Variants in SHANK2 observed in about 807,000 individuals in gnomAD.
The protein encoded by SHANK2 is SH3 and multiple ankyrin repeat domains 2.
In SHANK2, 43 loss-of-function variants were observed where a neutral mutation model predicts 133.7. The ratio of observed to expected loss-of-function variants is 0.32; its 90% CI spans 0.25 to 0.41. The LOEUF is 0.41. SHANK2 is among the 10% of genes least tolerant of loss of function. The pLI is 1.00. For missense variants in SHANK2, 1,994 were observed against 2,235.8 expected, an observed-to-expected ratio of 0.89 and a Z score of 2.18; for synonymous variants, 1,017 against 952.8, an observed-to-expected ratio of 1.07 and a Z score of -1.24.
At chr11:70,895,495 G>T (rs1264491729) in intron 11 of SHANK2, 1 of 152,628 alleles carries the variant, frequency 6.6e-6, no homozygotes, top group African/African-American at 2.4e-5. Flanking sequence ...GCAAGACTGG[G>T]CCCAGCCGAT....
In SHANK2 at chr11:70,696,319, G is replaced by T. The variant is rs1302061151; in HGVS notation, c.1853+2369C>A. Among the ~76,000 whole-genome samples the T allele has an allele frequency of 2.0e-5, 3 of 152,114 alleles. No individual in the cohort carries two copies. The East Asian group carries it at 5.8e-4, about 29-fold the overall frequency. On this transcript the variant is annotated intron_variant, in intron 15 of 25. Coordinates refer to ENST00000601538, the MANE Select transcript of SHANK2 (RefSeq NM_012309.5). ...TTACTACAACACCCTAGCCAGCTTT[G>T]CCCACAGATGTCTCTCTTCCCAGGC...
At chr11:70,736,688 T>C (rs1203966656) in intron 14 of SHANK2, among the ~76,000 whole-genome samples, 3 of 152,138 alleles carry the variant, frequency 2.0e-5, no homozygotes, top group African/African-American at 7.2e-5. Context: ...TTCTCTGCTG[T>C]TCTGAGCCAC....
chr11:70,623,883 A>G (rs2060867574), intron 17 of SHANK2, among the ~76,000 whole-genome samples: 1 of 152,170 alleles, frequency 6.6e-6, no homozygotes, highest in Non-Finnish European at 1.5e-5. Flanking sequence ...GTCCCAGGGC[A>G]TCTCTTCCAG....
chr11:71,246,276 A>C (rs749072314), intron 1 of SHANK2, among the ~76,000 whole-genome samples: 1 of 152,072 alleles, frequency 6.6e-6, no homozygotes, highest in African/African-American at 2.4e-5. Context: ...GCAGACTGCC[A>C]GCTGTCCAGA....
intron 9 of SHANK2, among the ~76,000 whole-genome samples, chr11:71,060,530 C>T (rs1305638822): frequency 8.5e-5 from 13 of 152,208 alleles, no homozygotes; most frequent in African/African-American, 3.1e-4. Context: ...TCAGGGACAG[C>T]CCAGCAGGTT....
intron 11 of SHANK2, among the ~76,000 whole-genome samples, chr11:70,869,378 A>G (rs1555069721): frequency 3.3e-5 from 5 of 152,282 alleles, no homozygotes. Flanking sequence ...CAGGCCACAG[A>G]ATGCTTGGGA....
chr11:71,247,061 G>A (rs782203068), intron 1 of SHANK2, among the ~76,000 whole-genome samples: 3 of 152,254 alleles, frequency 2.0e-5, no homozygotes, highest in Non-Finnish European at 2.9e-5. Context: ...AGTATGCTAG[G>A]TTGATTAATA....
intron 17 of SHANK2, among the ~76,000 whole-genome samples, chr11:70,633,140 T>A (rs1466566079): frequency 1.3e-5 from 2 of 150,490 alleles, no homozygotes; most frequent in African/African-American, 4.9e-5. Context: ...TTATATATAT[T>A]ATGTATGTTA....
intron 9 of SHANK2, among the ~76,000 whole-genome samples, chr11:71,072,315 C>T (rs1177786166): frequency 6.6e-6 from 1 of 152,174 alleles, no homozygotes; most frequent in Non-Finnish European, 1.5e-5. Context: ...CCCCCCACGC[C>T]CCTGCTTCAC....
At chr11:70,936,250 G>A (rs1276144278) in intron 10 of SHANK2, among the ~76,000 whole-genome samples, 3 of 152,198 alleles carry the variant, frequency 2.0e-5, no homozygotes, top group Non-Finnish European at 2.9e-5. Context: ...GGTGGCTCAC[G>A]CCTGTAATCC....
chr11:70,808,798 T>C (rs1198661907), intron 12 of SHANK2, among the ~76,000 whole-genome samples: 1 of 152,018 alleles, frequency 6.6e-6, no homozygotes, highest in African/African-American at 2.4e-5. Context: ...AGGAAGGCCA[T>C]GGGTGTCCGA....
chr11:70,605,477 G>T (rs2060563827), intron 17 of SHANK2, among the ~76,000 whole-genome samples: 2 of 152,222 alleles, frequency 1.3e-5, no homozygotes, highest in Admixed American at 6.5e-5. Flanking sequence ...AATGCAGCTG[G>T]TCTCTCACCC....
At chr11:71,083,633 G>C (rs1379800904) in intron 8 of SHANK2, among the ~76,000 whole-genome samples, 2 of 152,262 alleles carry the variant, frequency 1.3e-5, no homozygotes, top group African/African-American at 2.4e-5. Context: ...GGGAGGGAGA[G>C]AGCCAGGCTT....
chr11:70,903,147 T>G (rs1422147311), intron 10 of SHANK2, among the ~76,000 whole-genome samples: 1 of 152,008 alleles, frequency 6.6e-6, no homozygotes, highest in Non-Finnish European at 1.5e-5. Flanking sequence ...GAAGCTGAGG[T>G]GAGTGGATCA....
rs925019286 is a variant in SHANK2 at position 70,592,361 on chromosome 11, C to T, written c.2061+67467G>A. 1.7e-4 allele frequency among the ~76,000 whole-genome samples: 26 copies of T among 152,288 alleles called. 1 individual carries two copies. Among genetic ancestry groups the T allele is most frequent in the Admixed American group, 5.2e-4 (8 of 15,302 alleles). On this transcript the variant is annotated intron_variant, in intron 17 of 25. Transcript: ENST00000601538. Reference sequence around the variant, plus strand: ...GTCCGAGAGGAGATGCAGTCTGCTCCCACTCGGAGTGAGAGGCAGGACTTC... The same window carrying T: ...GTCCGAGAGGAGATGCAGTCTGCTCTCACTCGGAGTGAGAGGCAGGACTTC...
Position 71,145,565 on chromosome 11 carries a change from C to T in SHANK2, c.207+1555G>A, listed in dbSNP as rs141819275. On this transcript the variant is annotated intron_variant, in intron 3 of 25. Transcript: ENST00000601538. ...GGCTGAGCAGAGGGTGCCTGCTGGA[C>T]CGCAAGCTGCTGGCACTGGGGGAAG... 5.9e-5 allele frequency among the ~76,000 whole-genome samples: 9 copies of T among 152,334 alleles called. No homozygotes were observed. The East Asian group carries it at 1.7e-3, about 29-fold the overall frequency.
intron 9 of SHANK2, among the ~76,000 whole-genome samples, chr11:71,071,940 C>T (rs1951148344): frequency 6.6e-6 from 1 of 152,178 alleles, no homozygotes; most frequent in African/African-American, 2.4e-5. Context: ...CTGAGATCTC[C>T]CTCTGTTCCT....
intron 25 of SHANK2, among the ~76,000 whole-genome samples, chr11:70,476,100 G>A (rs2058659473): frequency 6.6e-6 from 1 of 151,964 alleles, no homozygotes; most frequent in South Asian, 2.1e-4. Context: ...GTGGTGGTGG[G>A]CGCCTGTAAT....
At chr11:70,508,996 G>A (rs2059166997) in intron 17 of SHANK2, among the ~76,000 whole-genome samples, 1 of 152,232 alleles carries the variant, frequency 6.6e-6, no homozygotes, top group Admixed American at 6.5e-5. Flanking sequence ...AGGTTGCCAG[G>A]AAACCGTCAG....
Sources: allele counts gnomAD v4.1 joint callset (sites outside exome capture counted in the v4.1 genomes callset), GRCh38; gene constraint gnomAD v4.1.1; transcripts MANE v1.5; gene names NCBI Gene and HGNC (gene_info 2026-07-23, HGNC 2026-07-21).